The following BLOC1S6 variants were observed in gnomAD, a reference collection of about 807,000 sequenced individuals.
BLOC1S6 encodes the protein biogenesis of lysosome-related organelles complex 1 subunit 6.
In BLOC1S6, 24 loss-of-function variants were observed where a neutral mutation model predicts 24.7. The observed-to-expected ratio is 0.97, with a 90% CI of 0.70 to 1.37. The LOEUF is 1.37. Ranked by LOEUF, BLOC1S6 falls within the 40% of genes most tolerant of loss-of-function variation. The pLI, the probability that BLOC1S6 is intolerant of heterozygous loss-of-function variation, is 0.00. For missense variants in BLOC1S6, 175 were observed against 196.2 expected (o/e 0.89, Z 0.64); for synonymous variants, 76 against 72.6 (o/e 1.05, Z -0.23).
At chr15:45,592,373 C>A in intron 2 of BLOC1S6, 97 bp downstream of exon 2, 1 of 1,417,132 alleles carries the variant, frequency 7.1e-7, no homozygotes, top group Non-Finnish European at 9.8e-7. Context: ...TATTTTTTAA[C>A]ATGCAATTAT....
rs549838831 is a variant in BLOC1S6 at position 45,600,368 on chromosome 15, G to C, written c.225-2732G>C. Among the ~76,000 whole-genome samples the C allele has an allele frequency of 2.6e-5, 4 of 152,248 alleles. No homozygotes were observed. The South Asian group carries it at 8.3e-4, about 32-fold the overall frequency. ...GTATGATGTTGAATAGGAGTTGTGA[G>C]AGGGGACATAGCTTGTTCTAGTTTT... is the stretch of plus-strand genomic sequence containing the variant. On this transcript the variant is annotated intron_variant, in intron 2 of 4. Coordinates refer to ENST00000220531, the MANE Select transcript of BLOC1S6 (RefSeq NM_012388.4).
At chr15:45,602,143 T>G (rs1344526663) in intron 2 of BLOC1S6, among the ~76,000 whole-genome samples, 1 of 152,004 alleles carries the variant, frequency 6.6e-6, no homozygotes, top group Non-Finnish European at 1.5e-5. Flanking sequence ...CAATCCTCCT[T>G]CCTTGGCCTC....
intron 2 of BLOC1S6, among the ~76,000 whole-genome samples, chr15:45,601,007 A>G (rs1894251688): frequency 6.6e-6 from 1 of 152,192 alleles, no homozygotes; most frequent in Non-Finnish European, 1.5e-5. Context: ...AGGTTTTGCA[A>G]CATTTTGGAT....
chr15:45,591,844 CAGAGG>C (rs1401148541), intron 1 of BLOC1S6: 1 of 363,830 alleles, frequency 2.7e-6, no homozygotes, highest in East Asian at 5.8e-5. Context: ...AGAGGAAGCT[CAGAGG>C]TAAAAGTTTA....
chr15:45,591,506 C>T (rs1054139527), intron 1 of BLOC1S6, among the ~76,000 whole-genome samples: 5 of 151,884 alleles, frequency 3.3e-5, no homozygotes, highest in Admixed American at 6.6e-5. Context: ...GATCATAGCT[C>T]GCTGCAGCCA....
chr15:45,603,442 G>A (rs1195214741), intron 3 of BLOC1S6, among the ~76,000 whole-genome samples: 4 of 152,200 alleles, frequency 2.6e-5, no homozygotes, highest in Non-Finnish European at 5.9e-5. Context: ...TGGCATAGTG[G>A]CTCATACCTG....
At chr15:45,606,343 A>C in intron 4 of BLOC1S6, 52 bp from the exon 5 acceptor site, 1 of 1,608,212 alleles carries the variant, frequency 6.2e-7, no homozygotes, top group Non-Finnish European at 8.5e-7. Context: ...ATTAGGCTAA[A>C]CCTGTAACCC....
intron 2 of BLOC1S6, among the ~76,000 whole-genome samples, chr15:45,600,298 A>T (rs937806283): frequency 5.3e-5 from 8 of 151,550 alleles, no homozygotes; most frequent in Admixed American, 2.0e-4. Flanking sequence ...AACCTGCACA[A>T]TGTGCACATG....
chr15:45,606,186 A>G (rs899853309), intron 4 of BLOC1S6, among the ~76,000 whole-genome samples: 2 of 152,134 alleles, frequency 1.3e-5, no homozygotes, highest in African/African-American at 4.8e-5. Flanking sequence ...TTCTCTGGAT[A>G]TGCCCTACAG....
intron 2 of BLOC1S6, chr15:45,602,463 C>G: frequency 1.8e-6 from 1 of 562,958 alleles, no homozygotes. Context: ...GCTTCTCTTC[C>G]TCAATGAGTT....
Position 45,607,790 on chromosome 15 carries a change from A to T in BLOC1S6, c.*1276A>T, listed in dbSNP as rs527442888. On this transcript the variant is annotated 3_prime_UTR_variant, in exon 5 of 5. Coordinates refer to ENST00000220531, the MANE Select transcript of BLOC1S6 (RefSeq NM_012388.4). The stretch of plus-strand genomic sequence containing the variant: ...TCCGTCTCCAAAAAAAAGAAAAAAA[A>T]ATTTCTTGAAGTGGAATGATGTACA... The T allele has an allele frequency of 5.9e-5, 9 of 152,132 alleles. No homozygotes were observed. Among genetic ancestry groups the T allele is most frequent in the African/African-American group, 1.9e-4 (8 of 41,424 alleles). The allele number at this position is 152,132 out of a possible 1,614,324, so 9.4% of individuals were successfully genotyped here. A position where few individuals can be genotyped will look rare whatever the true frequency, so the allele number is the denominator to read the frequency against.
rs1012613576 is a variant in BLOC1S6 at position 45,606,675 on chromosome 15, G to A, written c.*161G>A. On this transcript the variant is annotated 3_prime_UTR_variant, in exon 5 of 5. Transcript: ENST00000220531. ...CATGCCTTTTTTCCAAGTAGCAGAC[G>A]TCATGTTGCATGGTTTTTGATATTT... 5 of 922,882 alleles carry A rather than the reference G, an allele frequency of 5.4e-6. No homozygotes were observed. Among genetic ancestry groups the A allele is most frequent in the Admixed American group, 2.5e-5 (1 of 40,746 alleles). The allele number at this position is 922,882 out of a possible 1,614,324, so 57.2% of individuals were successfully genotyped here.
intron 2 of BLOC1S6, among the ~76,000 whole-genome samples, chr15:45,597,313 C>CA (rs1014434204): frequency 1.2e-4 from 18 of 151,934 alleles, no homozygotes; most frequent in Middle Eastern, 3.2e-3. Context: ...CCTGTCTCTA[C>CA]AAAAAAATTT....
At position 45,603,162 on chromosome 15, in the gene BLOC1S6, A is replaced by T; in HGVS notation, c.287A>T (p.His96Leu). The T allele has an allele frequency of 1.2e-6, 2 of 1,606,790 alleles. No individual in the cohort carries two copies. The highest frequency in any genetic ancestry group is 1.7e-4 in the Middle Eastern group (1 of 6,008). ...EQEISKFKEC[H>L]SMLDINALFA... ...GAGATTTCAAAATTTAAAGAATGTC[A>T]TTCTATGTTGGATATTAATGCTTTG... The change falls in exon 3 of 5, where the codon CAT becomes CTT. Residue 96 changes from histidine to leucine, a missense_variant. Coordinates refer to ENST00000220531, the MANE Select transcript of BLOC1S6 (RefSeq NM_012388.4).
At position 45,587,434 on chromosome 15, in the gene BLOC1S6, C is replaced by G; in HGVS notation, c.-10C>G. Reference sequence around the variant, plus strand: ...GTTTGCTTCTTCCCTGTGTTCCCAGCTGGAGGGACATGAGTGTCCCTGGGC... The same window carrying G: ...GTTTGCTTCTTCCCTGTGTTCCCAGGTGGAGGGACATGAGTGTCCCTGGGC... On this transcript the variant is annotated 5_prime_UTR_variant, in exon 1 of 5. Transcript: ENST00000220531. 6.4e-7 allele frequency: 1 copy of G among 1,571,924 alleles called. No individual in the cohort carries two copies. The highest frequency in any genetic ancestry group is 8.6e-7 in the Non-Finnish European group (1 of 1,157,616).
chr15:45,598,223 A>G (rs1230941704), intron 2 of BLOC1S6: 1 of 151,536 alleles, frequency 6.6e-6, no homozygotes, highest in Non-Finnish European at 1.5e-5. Flanking sequence ...CACAGCCAAT[A>G]TCATACTGAA....
At chr15:45,588,461 T>C (rs777228171) in intron 1 of BLOC1S6, among the ~76,000 whole-genome samples, 2 of 152,248 alleles carry the variant, frequency 1.3e-5, no homozygotes, top group Non-Finnish European at 2.9e-5. Context: ...TCACTCTGAC[T>C]TGAAACTTTG....
chr15:45,602,809 G>C (rs1157430466), intron 2 of BLOC1S6, among the ~76,000 whole-genome samples: 3 of 151,908 alleles, frequency 2.0e-5, no homozygotes, highest in African/African-American at 7.3e-5. Flanking sequence ...CTTCTTTTTT[G>C]GAATAATACA....
chr15:45,600,584 T>A (rs1894238770), intron 2 of BLOC1S6, among the ~76,000 whole-genome samples: 1 of 152,212 alleles, frequency 6.6e-6, no homozygotes, highest in Non-Finnish European at 1.5e-5. Context: ...TTCTTTAGCC[T>A]GTTGATGTGG....
Sources: gnomAD v4.1 joint callset for allele counts (sites outside exome capture counted in the v4.1 genomes callset) on GRCh38, gnomAD v4.1.1 for gene constraint, MANE v1.5 for transcripts, NCBI Gene and HGNC (gene_info 2026-07-23, HGNC 2026-07-21) for gene names.